Variants in ANP32B observed in about 807,000 individuals in gnomAD.
ANP32B encodes acidic leucine-rich nuclear phosphoprotein 32 family member B.
Under a neutral mutation model 32.2 loss-of-function variants are expected in ANP32B, and 6 were observed. The observed-to-expected ratio is 0.19, with a 90% CI of 0.10 to 0.37. The LOEUF (loss-of-function observed/expected upper bound fraction) is 0.37, where lower values mean the gene tolerates loss of function less well. ANP32B is among the 10% of genes least tolerant of loss of function. The probability of loss-of-function intolerance (pLI) is 1.00; values close to 1 mark genes in which losing one functional copy is unlikely to be tolerated. For missense variants in ANP32B, 204 were observed against 289.2 expected (o/e 0.71, Z 2.14); for synonymous variants, 98 against 105.8 (o/e 0.93, Z 0.45).
intron 4 of ANP32B, 112 bp from the exon 5 acceptor site, chr9:98,011,159 C>T (rs1828176668): frequency 2.1e-6 from 3 of 1,427,150 alleles, no homozygotes; most frequent in Admixed American, 5.5e-5. Context: ...AAAGTGACTG[C>T]AGTTCGTGGC....
At chr9:97,994,924 C>T (rs1341918966) in intron 2 of ANP32B, 144 bp downstream of exon 2, 4 of 794,340 alleles carry the variant, frequency 5.0e-6, no homozygotes, top group Non-Finnish European at 7.4e-6. Flanking sequence ...CTAGCCCTAG[C>T]ATTTCCTTGA....
chr9:97,984,791 C>A (rs1452689723), intron 1 of ANP32B: 1 of 150,350 alleles, frequency 6.7e-6, no homozygotes, highest in Admixed American at 6.6e-5. Flanking sequence ...CGCTGCCGAC[C>A]CCCTCCCCCT....
chr9:97,985,108 C>T (rs1175104112), intron 1 of ANP32B, among the ~76,000 whole-genome samples: 2 of 151,146 alleles, frequency 1.3e-5, no homozygotes, highest in Non-Finnish European at 3.0e-5. Context: ...GTTAGCGCCG[C>T]GGCCGGGTGC....
chr9:98,015,224 A>T, intron 6 of ANP32B, 140 bp from the exon 7 acceptor site: 3 of 1,209,972 alleles, frequency 2.5e-6, no homozygotes, highest in Non-Finnish European at 3.3e-6. Context: ...ACTTGCTATT[A>T]GTCACCTATA....
chr9:97,984,281 C>T (rs1354780248), intron 1 of ANP32B, among the ~76,000 whole-genome samples: 4 of 151,126 alleles, frequency 2.6e-5, no homozygotes, highest in African/African-American at 4.8e-5. Flanking sequence ...CAACCGCCGC[C>T]CCTCCCGAGG....
intron 1 of ANP32B, chr9:97,984,657 T>G (rs1827674145): frequency 6.7e-6 from 1 of 149,462 alleles, no homozygotes; most frequent in South Asian, 2.2e-4. Flanking sequence ...CCCTCGGCGC[T>G]GGCTGGCGGC....
chr9:98,015,244 T>C, intron 6 of ANP32B, 120 bp from the exon 7 acceptor site: 7 of 1,418,742 alleles, frequency 4.9e-6, no homozygotes, highest in Non-Finnish European at 6.6e-6. Flanking sequence ...ATTAATCTGA[T>C]CAAGTTTACA....
chr9:97,994,628 C>T lies in ANP32B; in HGVS notation c.55-3C>T, dbSNP rs768138478. 8 of 1,596,588 alleles carry T rather than the reference C, an allele frequency of 5.0e-6. No individual in the cohort carries two copies. The highest frequency in any genetic ancestry group is 4.6e-5 in the South Asian group (4 of 86,784). On this transcript the variant is annotated splice_polypyrimidine_tract_variant and splice_region_variant and intron_variant, in intron 1 of 6. Coordinates refer to ENST00000339399, the MANE Select transcript of ANP32B (RefSeq NM_006401.3). ...CTTATCCTTTTTTCTTTGTCATCCA[C>T]AGGTTCGAGAACTTGTCTTGGACAA...
In ANP32B at chr9:97,983,671, T is replaced by C. The variant is rs565641095; in HGVS notation, c.54+62T>C. ...TGACTTGCATGTAATGGTGGCCACC[T>C]GCGGGGCCCGGGCTGAGGGTTCGCC... On this transcript the variant is annotated intron_variant, in intron 1 of 6. Transcript: ENST00000339399. 21 of 1,346,662 alleles carry C rather than the reference T, an allele frequency of 1.6e-5. No homozygotes were observed. The South Asian group carries it at 2.7e-4, about 17-fold the overall frequency. The allele number at this position is 1,346,662 out of a possible 1,614,324, so 83.4% of individuals were successfully genotyped here.
At position 97,983,725 on chromosome 9, in the gene ANP32B, G is replaced by C. The variant is rs1228371945; in HGVS notation, c.54+116G>C. 2.9e-5 allele frequency: 22 copies of C among 764,712 alleles called. 1 individual carries two copies. The Admixed American group carries it at 7.9e-4, about 28-fold the overall frequency. The allele number at this position is 764,712 out of a possible 1,614,324, so 47.4% of individuals were successfully genotyped here. ...CCCGGCGCGGGGAAGAGCGCAGCTC[G>C]TGGGCTCGGACGGGGAAGGCGGGCG... On this transcript the variant is annotated intron_variant, in intron 1 of 6. Coordinates refer to ENST00000339399, the MANE Select transcript of ANP32B (RefSeq NM_006401.3).
chr9:97,985,564 C>A (rs183197959), intron 1 of ANP32B, among the ~76,000 whole-genome samples: 2 of 152,236 alleles, frequency 1.3e-5, no homozygotes. Context: ...ATTGCAAATC[C>A]GTAGAATATG....
In ANP32B at chr9:97,998,475, A is replaced by G. The variant is rs186984402; in HGVS notation, c.205-81A>G. The G allele has an allele frequency of 3.0e-4, 423 of 1,417,660 alleles. 3 individuals are homozygous for G. In the Admixed American group the frequency reaches 0.01, roughly 34 times the overall value. The allele number at this position is 1,417,660 out of a possible 1,614,324, so 87.8% of individuals were successfully genotyped here. On this transcript the variant is annotated intron_variant, in intron 2 of 6. Coordinates refer to ENST00000339399, the MANE Select transcript of ANP32B (RefSeq NM_006401.3). ...ATCTTGATAAATCTTTGAGAACTGT[A>G]TTTGTTACTTACAATACCTTAAATG...
intron 6 of ANP32B, 81 bp from the exon 7 acceptor site, chr9:98,015,283 T>C (rs1020703597): frequency 2.0e-6 from 3 of 1,523,836 alleles, no homozygotes; most frequent in East Asian, 5.0e-5. Flanking sequence ...GTCAAAAACT[T>C]TGTTGTTGTT....
At chr9:97,990,636 T>C (rs1827807514) in intron 1 of ANP32B, among the ~76,000 whole-genome samples, 1 of 152,198 alleles carries the variant, frequency 6.6e-6, no homozygotes. Context: ...TGCCTCTTAC[T>C]GGTAGAGGCA....
intron 6 of ANP32B, among the ~76,000 whole-genome samples, chr9:98,013,380 A>G (rs1282466456): frequency 5.9e-5 from 9 of 152,152 alleles, no homozygotes; most frequent in Admixed American, 3.9e-4. Flanking sequence ...TTTACTGTCA[A>G]GTGTGAGTTT....
At chr9:98,007,788 TAA>T (rs1828112117) in intron 4 of ANP32B, among the ~76,000 whole-genome samples, 1 of 152,158 alleles carries the variant, frequency 6.6e-6, no homozygotes, top group African/African-American at 2.4e-5. Context: ...AGGATGTGAT[TAA>T]AATTAACCAC....
chr9:97,984,841 G>C (rs963013480), intron 1 of ANP32B: 5 of 149,980 alleles, frequency 3.3e-5, no homozygotes, highest in Admixed American at 6.6e-5. Context: ...CCCGCCCCGC[G>C]CCGGGCGCGC....
intron 2 of ANP32B, among the ~76,000 whole-genome samples, chr9:97,996,653 G>C (rs1254497027): frequency 6.6e-6 from 1 of 152,056 alleles, no homozygotes; most frequent in African/African-American, 2.4e-5. Context: ...GAGTGCAGTG[G>C]TGCCATCTCG....
chr9:97,988,969 C>G lies in ANP32B; in HGVS notation c.54+5360C>G, dbSNP rs542329556. On this transcript the variant is annotated intron_variant, in intron 1 of 6. Coordinates refer to ENST00000339399, the MANE Select transcript of ANP32B (RefSeq NM_006401.3). ...CCCTTTCCTCCTTTTATGGCAGAGA[C>G]AGCTGGTATAATTGGAGAGCATCGC... Among the ~76,000 whole-genome samples, 14 of 152,204 alleles carry G rather than the reference C, an allele frequency of 9.2e-5. No individual in the cohort carries two copies. The South Asian group carries it at 2.3e-3, about 25-fold the overall frequency.
Sources: allele counts gnomAD v4.1 joint callset (sites outside exome capture counted in the v4.1 genomes callset), GRCh38; gene constraint gnomAD v4.1.1; transcripts MANE v1.5; gene names NCBI Gene and HGNC (gene_info 2026-07-23, HGNC 2026-07-21).